Variants in LARGE1 observed in about 807,000 individuals in gnomAD.
LARGE1 encodes the protein xylosyl- and glucuronyltransferase LARGE1.
A neutral mutation model predicts 87.6 loss-of-function variants in LARGE1; 43 were observed. The ratio of observed to expected loss-of-function variants is 0.49; its 90% CI spans 0.38 to 0.63. The LOEUF is 0.63. Ranked by LOEUF, LARGE1 falls within the 30% of genes least tolerant of loss-of-function variation. LARGE1 has a pLI of 0.00. For missense variants in LARGE1, 802 were observed against 1,000.2 expected, an observed-to-expected ratio of 0.80 and a Z score of 2.67; for synonymous variants, 434 against 394.6, an observed-to-expected ratio of 1.10 and a Z score of -1.18.
At chr22:33,795,205 G>A (rs1259113884) in intron 1 of LARGE1, among the ~76,000 whole-genome samples, 1 of 152,204 alleles carries the variant, frequency 6.6e-6, no homozygotes, top group African/African-American at 2.4e-5. Flanking sequence ...GATAAATACA[G>A]TAACAAGTTG....
At chr22:33,551,743 C>A (rs897397903) in intron 6 of LARGE1, among the ~76,000 whole-genome samples, 2 of 152,190 alleles carry the variant, frequency 1.3e-5, no homozygotes, top group African/African-American at 4.8e-5. Context: ...CCCCTCTACG[C>A]ATCCACAATA....
intron 6 of LARGE1, among the ~76,000 whole-genome samples, chr22:33,563,831 T>C (rs1192135675): frequency 6.6e-6 from 1 of 152,176 alleles, no homozygotes; most frequent in Non-Finnish European, 1.5e-5. Flanking sequence ...CAAAATGTCA[T>C]TCCCATGATT....
At chr22:33,508,480 T>C (rs893174091) in intron 6 of LARGE1, among the ~76,000 whole-genome samples, 12 of 152,226 alleles carry the variant, frequency 7.9e-5, no homozygotes, top group African/African-American at 2.7e-4. Context: ...AACACTAAAG[T>C]GTACATATTT....
At chr22:33,752,514 T>A (rs989405490) in intron 2 of LARGE1, among the ~76,000 whole-genome samples, 2 of 152,202 alleles carry the variant, frequency 1.3e-5, no homozygotes, top group African/African-American at 4.8e-5. Flanking sequence ...ACACCTATCA[T>A]AGATGAAGTA....
chr22:33,613,654 G>A (rs374808011), intron 4 of LARGE1, among the ~76,000 whole-genome samples: 100 of 152,146 alleles, frequency 6.6e-4, no homozygotes, highest in East Asian at 3.5e-3. Flanking sequence ...CATCACGCCC[G>A]GCTACTACAC....
the LARGE1 span, among the ~76,000 whole-genome samples, chr22:33,124,727 C>A: frequency 3.9e-5 from 6 of 152,134 alleles, no homozygotes; most frequent in Non-Finnish European, 7.3e-5. Context: ...CAAGGCTGGG[C>A]GTGGTGGCTC....
intron 6 of LARGE1, among the ~76,000 whole-genome samples, chr22:33,546,540 G>C (rs2077365388): frequency 1.3e-5 from 2 of 152,074 alleles, no homozygotes; most frequent in South Asian, 4.2e-4. Flanking sequence ...TCTCAGAACA[G>C]GACCTCCATG....
chr22:33,767,200 T>C (rs1050660661), intron 1 of LARGE1, among the ~76,000 whole-genome samples: 4 of 150,780 alleles, frequency 2.7e-5, no homozygotes, highest in Non-Finnish European at 5.9e-5. Flanking sequence ...TGCATGCCTG[T>C]AATCCCAGCT....
intron 6 of LARGE1, among the ~76,000 whole-genome samples, chr22:33,500,147 A>G (rs150468033): frequency 1.2e-4 from 19 of 152,322 alleles, no homozygotes; most frequent in Admixed American, 3.3e-4. Context: ...CATCTATAAG[A>G]TAATATGTAA....
chr22:33,429,193 C>G (rs1290423330), intron 7 of LARGE1, among the ~76,000 whole-genome samples: 1 of 152,104 alleles, frequency 6.6e-6, no homozygotes, highest in Non-Finnish European at 1.5e-5. Context: ...ATCTACATGT[C>G]TGGATGACTC....
chr22:33,264,519 C>T lies in LARGE1; in HGVS notation c.1730+39710G>A, dbSNP rs138921779. On this transcript the variant is annotated intron_variant, in intron 11 of 11. Transcript: ENST00000608642. ...TACTAAAAATACAAAAATTAGCCCA[C>T]TTGGTGGCACACACCTGTAGTCTCA... Among the ~76,000 whole-genome samples, 64 of 152,282 alleles carry T rather than the reference C, an allele frequency of 4.2e-4. 1 individual carries two copies. In the East Asian group the frequency reaches 6.8e-3, roughly 16 times the overall value.
intron 2 of LARGE1, among the ~76,000 whole-genome samples, chr22:33,661,158 C>T (rs1397428811): frequency 6.6e-6 from 1 of 151,798 alleles, no homozygotes; most frequent in African/African-American, 2.4e-5. Context: ...TCTATACTTG[C>T]TGTAAGCCTC....
At chr22:33,281,931 C>A (rs1459775844) in intron 13 of LARGE1, among the ~76,000 whole-genome samples, 3 of 152,182 alleles carry the variant, frequency 2.0e-5, no homozygotes, top group Non-Finnish European at 4.4e-5. Context: ...GGTAGGAAAA[C>A]CCAAGTTATT....
chr22:33,633,684 G>A (rs1005444583), intron 3 of LARGE1, among the ~76,000 whole-genome samples: 1 of 152,218 alleles, frequency 6.6e-6, no homozygotes, highest in African/African-American at 2.4e-5. Flanking sequence ...GACTGAGAGA[G>A]TGAGAGGCGA....
intron 9 of LARGE1, among the ~76,000 whole-genome samples, chr22:33,355,231 T>C (rs551287094): frequency 1.3e-5 from 2 of 152,222 alleles, no homozygotes; most frequent in Admixed American, 6.5e-5. Flanking sequence ...GCACCTTCAT[T>C]TCTGACCTGG....
At chr22:33,268,325 A>T (rs914455869), downstream of LARGE1, among the ~76,000 whole-genome samples, 1 of 151,600 alleles carries the variant, frequency 6.6e-6, no homozygotes, top group Non-Finnish European at 1.5e-5. Context: ...GAAACTAAAA[A>T]AACTATGAAG....
intron 6 of LARGE1, among the ~76,000 whole-genome samples, chr22:33,497,973 C>A (rs1354253767): frequency 2.6e-5 from 4 of 152,156 alleles, no homozygotes; most frequent in Non-Finnish European, 5.9e-5. Flanking sequence ...ACCTCCGCCT[C>A]CTACGTTCAA....
At chr22:33,726,554 C>A (rs1350773474) in intron 2 of LARGE1, among the ~76,000 whole-genome samples, 3 of 152,176 alleles carry the variant, frequency 2.0e-5, no homozygotes, top group Admixed American at 2.0e-4. Flanking sequence ...GCAGGAGATG[C>A]CAAATGTCTT....
At chr22:33,381,577 T>C (rs563533577) in intron 9 of LARGE1, among the ~76,000 whole-genome samples, 5 of 152,252 alleles carry the variant, frequency 3.3e-5, no homozygotes, top group Admixed American at 6.5e-5. Context: ...TCCACATCTA[T>C]AGCACCTGGC....
Sources: gnomAD v4.1 joint callset for allele counts (sites outside exome capture counted in the v4.1 genomes callset) on GRCh38, gnomAD v4.1.1 for gene constraint, MANE v1.5 for transcripts, NCBI Gene and HGNC (gene_info 2026-07-23, HGNC 2026-07-21) for gene names.